CTNNA3: variants seen among roughly 807,000 people sequenced by gnomAD.
CTNNA3 encodes the protein catenin alpha 3, also known as catenin alpha-3.
In CTNNA3, 76 loss-of-function variants were observed where a neutral mutation model predicts 95.7. The observed-to-expected ratio is 0.79, with a 90% CI of 0.66 to 0.96. The LOEUF (loss-of-function observed/expected upper bound fraction) is 0.96, where lower values mean the gene tolerates loss of function less well. Ranked by LOEUF, CTNNA3 falls within the 40% of genes least tolerant of loss-of-function variation. CTNNA3 has a pLI of 0.00. For missense variants in CTNNA3, 1,191 were observed against 1,089.8 expected (o/e 1.09, Z -1.31); for synonymous variants, 431 against 374.4 (o/e 1.15, Z -1.74).
chr10:66,876,565 C>T (rs889800815), intron 7 of CTNNA3, among the ~76,000 whole-genome samples: 2 of 152,048 alleles, frequency 1.3e-5, no homozygotes, highest in African/African-American at 2.4e-5. Flanking sequence ...ACATTTATAT[C>T]CATGCAAATC....
At chr10:66,124,013 G>A (rs2082707485) in intron 13 of CTNNA3, among the ~76,000 whole-genome samples, 1 of 151,940 alleles carries the variant, frequency 6.6e-6, no homozygotes, top group African/African-American at 2.4e-5. Context: ...CTTAACATTT[G>A]GCTCCTCATT....
chr10:66,685,234 T>G (rs545859797), intron 9 of CTNNA3, among the ~76,000 whole-genome samples: 2 of 142,426 alleles, frequency 1.4e-5, no homozygotes, highest in African/African-American at 2.6e-5. Flanking sequence ...TATATACGTA[T>G]ATATGTGTGT....
chr10:67,192,395 C>A (rs960640661), intron 6 of CTNNA3, among the ~76,000 whole-genome samples: 2 of 151,572 alleles, frequency 1.3e-5, no homozygotes, highest in African/African-American at 4.8e-5. Context: ...GGAAGTCATA[C>A]CACTCAATAA....
intron 7 of CTNNA3, among the ~76,000 whole-genome samples, chr10:67,033,526 C>A (rs554738891): frequency 6.6e-6 from 1 of 152,226 alleles, no homozygotes; most frequent in African/African-American, 2.4e-5. Context: ...AAGTTGAGTG[C>A]AGTAGACATA....
At chr10:67,095,164 T>C (rs1418703433) in intron 7 of CTNNA3, among the ~76,000 whole-genome samples, 1 of 151,666 alleles carries the variant, frequency 6.6e-6, no homozygotes, top group Non-Finnish European at 1.5e-5. Context: ...ACTGTGATGC[T>C]GTATTCAGAT....
In CTNNA3 at chr10:65,926,599, A is replaced by T. The variant is rs1941994; in HGVS notation, c.2401-5982T>A. Among the ~76,000 whole-genome samples, 1,195 of 151,086 alleles carry T rather than the reference A, an allele frequency of 7.9e-3. 17 individuals are homozygous for T. The highest frequency in any genetic ancestry group is 0.028 in the African/African-American group (1,133 of 41,190). On this transcript the variant is annotated intron_variant, in intron 17 of 17. Coordinates refer to ENST00000433211, the MANE Select transcript of CTNNA3 (RefSeq NM_013266.4). The stretch of plus-strand genomic sequence containing the variant: ...TCAAGCGATTCTCCTGCCTCAGCCT[A>T]CCAAGTAGCTGGGATTACAGGCATG...
intron 12 of CTNNA3, among the ~76,000 whole-genome samples, chr10:66,301,373 A>G (rs1299021869): frequency 6.6e-6 from 1 of 152,048 alleles, no homozygotes; most frequent in African/African-American, 2.4e-5. Flanking sequence ...GAAAGAAAGG[A>G]AAATTACAGA....
intron 5 of CTNNA3, among the ~76,000 whole-genome samples, chr10:67,382,117 T>C (rs1843972351): frequency 6.6e-6 from 1 of 152,224 alleles, no homozygotes; most frequent in Non-Finnish European, 1.5e-5. Context: ...TTAATTATTT[T>C]TAACTAAACA....
intron 5 of CTNNA3, among the ~76,000 whole-genome samples, chr10:67,234,162 A>C (rs1034773008): frequency 6.6e-6 from 1 of 152,198 alleles, no homozygotes; most frequent in Admixed American, 6.5e-5. Context: ...AACTCATTTT[A>C]TGAGGCCAGC....
At chr10:67,234,871 AG>A (rs1865381409) in intron 5 of CTNNA3, among the ~76,000 whole-genome samples, 1 of 147,908 alleles carries the variant, frequency 6.8e-6, no homozygotes, top group East Asian at 2.0e-4. Flanking sequence ...CACCAATAAC[AG>A]ACAAACAGAG....
intron 7 of CTNNA3, among the ~76,000 whole-genome samples, chr10:66,898,392 A>G (rs1845587383): frequency 6.6e-6 from 1 of 152,178 alleles, no homozygotes; most frequent in African/African-American, 2.4e-5. Flanking sequence ...CAATTTTGAG[A>G]GAGAAGAACA....
At chr10:66,506,478 C>T (rs534390971) in intron 11 of CTNNA3, among the ~76,000 whole-genome samples, 103 of 152,234 alleles carry the variant, frequency 6.8e-4, no homozygotes, top group Admixed American at 1.2e-3. Context: ...TTCCAATTTT[C>T]TAAAGGTTCA....
chr10:66,543,395 G>T (rs906471820), intron 10 of CTNNA3, among the ~76,000 whole-genome samples: 1 of 151,978 alleles, frequency 6.6e-6, no homozygotes, highest in African/African-American at 2.4e-5. Context: ...CGCCCAGAAT[G>T]CAGGTTTTTA....
At chr10:66,815,495 T>C (rs765324092) in intron 7 of CTNNA3, among the ~76,000 whole-genome samples, 1 of 152,138 alleles carries the variant, frequency 6.6e-6, no homozygotes, top group African/African-American at 2.4e-5. Flanking sequence ...GGAAGACTTA[T>C]CTTTCATATT....
intron 11 of CTNNA3, among the ~76,000 whole-genome samples, chr10:66,516,662 T>C (rs1292370396): frequency 6.6e-6 from 1 of 152,190 alleles, no homozygotes; most frequent in African/African-American, 2.4e-5. Flanking sequence ...TAATCACTTA[T>C]CAGCACCCTC....
At chr10:67,436,937 T>C (rs906817068) in intron 5 of CTNNA3, among the ~76,000 whole-genome samples, 2 of 152,148 alleles carry the variant, frequency 1.3e-5, no homozygotes, top group African/African-American at 4.8e-5. Flanking sequence ...GAACTGAAAG[T>C]AGAGCTACCA....
At chr10:66,254,969 A>G (rs1217420626) in intron 13 of CTNNA3, among the ~76,000 whole-genome samples, 5 of 152,166 alleles carry the variant, frequency 3.3e-5, no homozygotes. Flanking sequence ...CCAAGACAAA[A>G]AAGCAAATTT....
chr10:66,755,634 T>A (rs546241612), intron 9 of CTNNA3, among the ~76,000 whole-genome samples: 2 of 152,118 alleles, frequency 1.3e-5, no homozygotes, highest in Non-Finnish European at 2.9e-5. Context: ...TTAGTGGGAA[T>A]GCATGTGCCA....
At chr10:66,767,036 A>T (rs904935142) in intron 8 of CTNNA3, among the ~76,000 whole-genome samples, 1 of 152,030 alleles carries the variant, frequency 6.6e-6, no homozygotes, top group Non-Finnish European at 1.5e-5. Flanking sequence ...CAATTAGATT[A>T]CATGTAAGCT....
Sources: allele counts gnomAD v4.1 joint callset (sites outside exome capture counted in the v4.1 genomes callset), GRCh38; gene constraint gnomAD v4.1.1; transcripts MANE v1.5; gene names NCBI Gene and HGNC (gene_info 2026-07-23, HGNC 2026-07-21).